TSC22D1: variants seen among roughly 807,000 people sequenced by gnomAD.
TSC22D1 encodes the protein TSC22 domain family member 1.
A neutral mutation model predicts 74.2 loss-of-function variants in TSC22D1; 9 were observed. The observed-to-expected ratio is 0.12, with a 90% CI of 0.07 to 0.21. The LOEUF is 0.21. TSC22D1 is among the 10% of genes least tolerant of loss of function. TSC22D1 has a pLI of 1.00. For synonymous variants in TSC22D1, 586 were observed against 492.5 expected (o/e 1.19, Z -2.51); for missense variants, 1,427 against 1,304.7 (o/e 1.09, Z -1.44).
chr13:44,435,701 G>A, intron 2 of TSC22D1: 1 of 338,998 alleles, frequency 2.9e-6, no homozygotes, highest in Non-Finnish European at 5.5e-6. Context: ...AGGATTCCTA[G>A]TAAAGCCACA....
In TSC22D1 at chr13:44,575,742, G is replaced by A. The variant is rs765024856; in HGVS notation, c.333C>T (p.Phe111=). The A allele has an allele frequency of 6.2e-7, 1 of 1,614,174 alleles. No homozygotes were observed. Among genetic ancestry groups the A allele is most frequent in the Non-Finnish European group, 8.5e-7 (1 of 1,180,026 alleles). ...GGTQMKKKSG[F]QITSVTPAQI... is the part of the protein sequence containing the mutation. ...GAGCAGGAGTAACGCTAGTTATCTG[G>A]AAGCCACTTTTCTTTTTCATTTGAG... is the stretch of plus-strand genomic sequence containing the variant. Residue 111 remains phenylalanine (F), a synonymous_variant, in exon 1 of 3, where the codon TTC becomes TTT. Transcript: ENST00000458659.
rs746413098 is a variant in TSC22D1 at position 44,575,215 on chromosome 13, G to A, written c.860C>T (p.Ala287Val). 2 of 1,613,926 alleles carry A rather than the reference G, an allele frequency of 1.2e-6. No individual in the cohort carries two copies. The highest frequency in any genetic ancestry group is 1.3e-5 in the African/African-American group (1 of 74,918). Reference sequence around the variant, plus strand: ...AGCACGCATATTAGTCATTACAGATGCAGGTGAACCACTGGATGATACAGC... The same window carrying A: ...AGCACGCATATTAGTCATTACAGATACAGGTGAACCACTGGATGATACAGC... Reference protein sequence around the residue: ...TSAVSSSGSPASVMTNMRAPS... With the variant: ...TSAVSSSGSPVSVMTNMRAPS... The change falls in exon 1 of 3, where the codon GCA becomes GTA. Residue 287 changes from alanine to valine, a missense_variant. By Grantham distance (64) the Ala-to-Val change is moderately conservative. Coordinates refer to ENST00000458659, the MANE Select transcript of TSC22D1 (RefSeq NM_183422.4).
rs922528723 is a variant in TSC22D1 at position 44,574,204 on chromosome 13, G to T, written c.1871C>A (p.Pro624His). 2 of 1,614,152 alleles carry T rather than the reference G, an allele frequency of 1.2e-6. No individual in the cohort carries two copies. The highest frequency in any genetic ancestry group is 2.7e-5 in the African/African-American group (2 of 74,954). ...CTGTTGTCCATACTGTAACTGTTGG[G>T]GTGGTGGTGCCCCTGGAAGGGGAGT... ...VQTPLPGAPPPQQLQYGQQQP... is the reference protein window; with the variant it reads ...VQTPLPGAPPHQQLQYGQQQP... Residue 624 changes from proline to histidine, a missense_variant, in exon 1 of 3, where the codon CCC (proline) becomes CAC (histidine). By Grantham distance (77) the Pro-to-His change is moderately conservative (BLOSUM62 -2). Around this residue, in one of 3 missense-constraint regions of TSC22D1, gnomAD observed 1,343 missense variants for 1,191.5 expected, o/e 1.13. Transcript: ENST00000458659.
rs1264187329 is a variant in TSC22D1, at chr13:44,462,787, A to G, written c.2913-26692T>C. 2.6e-5 allele frequency among the ~76,000 whole-genome samples: 4 copies of G among 152,172 alleles called. No individual in the cohort carries two copies. The East Asian group carries it at 7.7e-4, about 29-fold the overall frequency. The stretch of plus-strand genomic sequence containing the variant: ...AGAAAGACCCTCAAAGGAACACAAA[A>G]TAAGTCATAAAACTAGAGTACAGGA... On this transcript the variant is annotated intron_variant, in intron 1 of 2. Coordinates refer to ENST00000458659, the MANE Select transcript of TSC22D1 (RefSeq NM_183422.4).
At chr13:44,459,020 G>A (rs1876838009) in intron 1 of TSC22D1, among the ~76,000 whole-genome samples, 1 of 152,178 alleles carries the variant, frequency 6.6e-6, no homozygotes, top group African/African-American at 2.4e-5. Flanking sequence ...CTTTCAAGTG[G>A]TAGATGGCCT....
chr13:44,576,142 G>A lies in TSC22D1; in HGVS notation c.-68C>T. 1 of 1,414,980 alleles carries A rather than the reference G, an allele frequency of 7.1e-7. No individual in the cohort carries two copies. The highest frequency in any genetic ancestry group is 9.2e-7 in the Non-Finnish European group (1 of 1,088,760). The allele number at this position is 1,414,980 out of a possible 1,614,324, so 87.7% of individuals were successfully genotyped here. On this transcript the variant is annotated 5_prime_UTR_variant, in exon 1 of 3. Transcript: ENST00000458659. ...CTTCTGCACCGTAATCTTTGTATTG[G>A]AGACGCCGGAGAGGAAAACGGGACC... is the stretch of plus-strand genomic sequence containing the variant.
chr13:44,434,102 T>C lies in TSC22D1; in HGVS notation c.*524A>G. ...AGAAGAAAGAGGCACAGTACTATTG[T>C]TTTTTATGAATTTTGGTGACAGTTG... On this transcript the variant is annotated 3_prime_UTR_variant, in exon 3 of 3. Coordinates refer to ENST00000458659, the MANE Select transcript of TSC22D1 (RefSeq NM_183422.4). 12 of 1,501,726 alleles carry C rather than the reference T, an allele frequency of 8.0e-6. No individual in the cohort carries two copies. In the South Asian group the frequency reaches 1.6e-4, roughly 19 times the overall value. 93.0% of individuals were successfully genotyped at this position (1,501,726 alleles called of 1,614,324 possible). A position where few individuals can be genotyped will look rare whatever the true frequency, so the allele number is the denominator to read the frequency against.
chr13:44,517,378 CA>C (rs1289509398), intron 1 of TSC22D1, among the ~76,000 whole-genome samples: 2 of 151,532 alleles, frequency 1.3e-5, no homozygotes, highest in Non-Finnish European at 2.9e-5. Context: ...TCCTTCCTCA[CA>C]AAAATTGGGT....
At position 44,511,340 on chromosome 13, in the gene TSC22D1, T is replaced by A. The variant is rs543120416; in HGVS notation, c.2912+61823A>T. On this transcript the variant is annotated intron_variant, in intron 1 of 2. Coordinates refer to ENST00000458659, the MANE Select transcript of TSC22D1 (RefSeq NM_183422.4). Reference sequence around the variant, plus strand: ...ATAAACAAAAACCTTTGCCTGTAATTCTTCTGCTTTTCTATAGCTGAGCTC... The same window carrying A: ...ATAAACAAAAACCTTTGCCTGTAATACTTCTGCTTTTCTATAGCTGAGCTC... Among the ~76,000 whole-genome samples, 126 of 152,158 alleles carry A rather than the reference T, an allele frequency of 8.3e-4. 1 individual carries two copies. Among genetic ancestry groups the A allele is most frequent in the African/African-American group, 2.9e-3 (120 of 41,538 alleles).
At chr13:44,507,275 G>C (rs1262199815) in intron 1 of TSC22D1, among the ~76,000 whole-genome samples, 1 of 152,166 alleles carries the variant, frequency 6.6e-6, no homozygotes, top group Admixed American at 6.5e-5. Flanking sequence ...GGAGATAAAA[G>C]CAGCAGAGGT....
chr13:44,524,416 C>T (rs957253111), intron 1 of TSC22D1, among the ~76,000 whole-genome samples: 2 of 152,156 alleles, frequency 1.3e-5, no homozygotes, highest in African/African-American at 4.8e-5. Context: ...GAAGCAGCAA[C>T]TATTGCTGAA....
chr13:44,569,185 T>G (rs2138232324), intron 1 of TSC22D1, among the ~76,000 whole-genome samples: 1 of 151,918 alleles, frequency 6.6e-6, no homozygotes, highest in Admixed American at 6.6e-5. Context: ...ATTGTCATCA[T>G]TTTTTTAATG....
At chr13:44,485,030 T>G (rs1419191514) in intron 1 of TSC22D1, among the ~76,000 whole-genome samples, 1 of 152,194 alleles carries the variant, frequency 6.6e-6, no homozygotes, top group East Asian at 1.9e-4. Context: ...ATGTAGAGTA[T>G]GTAAGATGAG....
intron 1 of TSC22D1, among the ~76,000 whole-genome samples, chr13:44,505,852 C>T (rs554250085): frequency 6.6e-6 from 1 of 152,170 alleles, no homozygotes; most frequent in Non-Finnish European, 1.5e-5. Flanking sequence ...GCTTATGGAA[C>T]AGAAGAAATC....
Position 44,433,917 on chromosome 13 carries a change from T to C in TSC22D1, c.*709A>G, listed in dbSNP as rs1874275227. 2 of 1,450,294 alleles carry C rather than the reference T, an allele frequency of 1.4e-6. No homozygotes were observed. The highest frequency in any genetic ancestry group is 1.8e-6 in the Non-Finnish European group (2 of 1,091,992). The allele number at this position is 1,450,294 out of a possible 1,614,324, so 89.8% of individuals were successfully genotyped here. On this transcript the variant is annotated 3_prime_UTR_variant, in exon 3 of 3. Transcript: ENST00000458659. ...AATGAAACAACTAAATTTCAATCTGTACAACCTAAATAGTAGTTACAGTCC... is the reference window on the plus strand; with the variant it reads ...AATGAAACAACTAAATTTCAATCTGCACAACCTAAATAGTAGTTACAGTCC...
chr13:44,501,709 A>G (rs1879225355), intron 1 of TSC22D1, among the ~76,000 whole-genome samples: 1 of 152,220 alleles, frequency 6.6e-6, no homozygotes, highest in South Asian at 2.1e-4. Context: ...AAACACATGA[A>G]AAGCTAAACT....
chr13:44,547,236 C>T (rs1039783474), intron 1 of TSC22D1, among the ~76,000 whole-genome samples: 1 of 151,750 alleles, frequency 6.6e-6, no homozygotes. Context: ...AAATTTAGTC[C>T]AATCTTTCTT....
intron 1 of TSC22D1, among the ~76,000 whole-genome samples, chr13:44,500,214 A>T (rs1328894182): frequency 2.0e-5 from 3 of 152,002 alleles, no homozygotes; most frequent in Non-Finnish European, 4.4e-5. Context: ...ATCTTATTAA[A>T]CTTTTTTTCT....
intron 1 of TSC22D1, among the ~76,000 whole-genome samples, chr13:44,523,224 T>C (rs998183117): frequency 1.6e-4 from 25 of 152,128 alleles, no homozygotes; most frequent in Admixed American, 1.3e-3. Flanking sequence ...TACAGTCGAG[T>C]TGAGACAGTC....
Sources: gnomAD v4.1 joint callset for allele counts (sites outside exome capture counted in the v4.1 genomes callset) on GRCh38, gnomAD v4.1.1 for gene constraint, gnomAD v4.1.1 regional missense constraint, MANE v1.5 for transcripts, NCBI Gene and HGNC (gene_info 2026-07-23, HGNC 2026-07-21) for gene names.